RAB9B: variants seen among roughly 807,000 people sequenced by gnomAD.
The protein encoded by RAB9B is RAB9B, member RAS oncogene family.
RAB9B carries 1 observed loss-of-function variant against 8.9 expected under a neutral mutation model. That is an observed-to-expected ratio of 0.11 (90% confidence interval 0.04 to 0.53). RAB9B has a LOEUF of 0.53. RAB9B is among the 20% of genes least tolerant of loss of function. The pLI is 0.93. For synonymous variants in RAB9B, 63 were observed against 57.0 expected (o/e 1.10, Z -0.47); for missense variants, 82 against 152.9 (o/e 0.54, Z 2.45).
chrX:103,827,675 T>G lies in RAB9B; in HGVS notation c.-116-597A>C, dbSNP rs764018993. ...GTCATTTTTCTTTTCTTTATTTATT[T>G]TTTAAATTTGAGACAAGGTCTCATT... On this transcript the variant is annotated intron_variant, in intron 1 of 2. Transcript: ENST00000243298. Among the ~76,000 whole-genome samples, 9 of 112,246 alleles carry G rather than the reference T, an allele frequency of 8.0e-5. No homozygotes were observed. In the East Asian group the frequency reaches 2.2e-3, roughly 28 times the overall value.
the RAB9B span, among the ~76,000 whole-genome samples, chrX:103,790,069 G>T: frequency 2.7e-5 from 3 of 112,051 alleles, no homozygotes; most frequent in African/African-American, 9.7e-5. Context: ...GGCCCCTACT[G>T]CTGAGGTTTC....
the RAB9B span, chrX:103,785,512 G>A: frequency 3.2e-6 from 3 of 941,673 alleles, no homozygotes; most frequent in South Asian, 2.0e-5. Context: ...CACAGGGCCT[G>A]GCAGAGGGGT....
chrX:103,784,126 G>T, the RAB9B span, among the ~76,000 whole-genome samples: 1 of 111,514 alleles, frequency 9.0e-6, no homozygotes, highest in African/African-American at 3.3e-5. Flanking sequence ...TTAGAGCATG[G>T]GACTAGTACT....
chrX:103,818,282 A>C (rs983101803), downstream of RAB9B, among the ~76,000 whole-genome samples: 3 of 111,856 alleles, frequency 2.7e-5, no homozygotes, highest in African/African-American at 9.7e-5. Flanking sequence ...ATCAGACTGC[A>C]CATATGGGGT....
the RAB9B span, among the ~76,000 whole-genome samples, chrX:103,807,494 C>A: frequency 1.4e-4 from 16 of 112,310 alleles, no homozygotes; most frequent in African/African-American, 4.5e-4. Flanking sequence ...CCAGCCCCCA[C>A]TCCTCCCATA....
chrX:103,815,273 A>C, the RAB9B span, among the ~76,000 whole-genome samples: 3 of 112,578 alleles, frequency 2.7e-5, no homozygotes, highest in African/African-American at 9.7e-5. Context: ...CCTGGGATGC[A>C]AGGCTGGTTC....
chrX:103,785,779 G>GC, the RAB9B span: 1 of 1,185,807 alleles, frequency 8.4e-7, no homozygotes, highest in Non-Finnish European at 1.1e-6. Context: ...GTAAGTACCT[G>GC]CCCTCCCACA....
At chrX:103,777,306 C>T in the RAB9B span, among the ~76,000 whole-genome samples, 1 of 111,340 alleles carries the variant, frequency 9.0e-6, no homozygotes, top group African/African-American at 3.3e-5. Context: ...TTCTCTTTTC[C>T]CTTGGTTCCA....
At chrX:103,806,058 A>G in the RAB9B span, among the ~76,000 whole-genome samples, 6 of 111,179 alleles carry the variant, frequency 5.4e-5, no homozygotes, top group East Asian at 1.7e-3. Flanking sequence ...TTTTCACCTT[A>G]GCCTCCCAAG....
chrX:103,807,531 C>T, the RAB9B span, among the ~76,000 whole-genome samples: 3 of 112,290 alleles, frequency 2.7e-5, no homozygotes, highest in African/African-American at 9.7e-5. Flanking sequence ...CCCTGCCTTT[C>T]CCACTGTCAA....
At chrX:103,776,522 C>T in the RAB9B span, 18 of 121,497 alleles carry the variant, frequency 1.5e-4, no homozygotes, top group African/African-American at 3.9e-4. Context: ...TGGCTTCTCA[C>T]GCTTGTGCTG....
intron 2 of RAB9B, among the ~76,000 whole-genome samples, chrX:103,826,754 T>C (rs2074684798): frequency 9.0e-6 from 1 of 111,515 alleles, no homozygotes; most frequent in Non-Finnish European, 1.9e-5. Context: ...AACTCAACGG[T>C]GATGAGGTTA....
At chrX:103,803,235 C>A in the RAB9B span, among the ~76,000 whole-genome samples, 1 of 112,020 alleles carries the variant, frequency 8.9e-6, no homozygotes, top group Non-Finnish European at 1.9e-5. Flanking sequence ...ATTGCTGAGA[C>A]ATATGATAAT....
At chrX:103,789,153 G>T in the RAB9B span, 4 of 495,644 alleles carry the variant, frequency 8.1e-6, no homozygotes, top group South Asian at 2.7e-5. Context: ...TGGGCCAGGT[G>T]CTATGGTGTA....
chrX:103,786,428 A>G, the RAB9B span: 2 of 1,193,063 alleles, frequency 1.7e-6, no homozygotes, highest in Non-Finnish European at 2.3e-6. Flanking sequence ...TCAATTAATA[A>G]GATTCCCTGG....
chrX:103,808,512 C>A, the RAB9B span, among the ~76,000 whole-genome samples: 2 of 112,510 alleles, frequency 1.8e-5, no homozygotes, highest in African/African-American at 6.5e-5. Flanking sequence ...CCTGAGCCAT[C>A]CCTTCAGAAT....
Position 103,824,654 on chromosome X carries a change from T to G in RAB9B, c.*525A>C, listed in dbSNP as rs1017753615. ...AGTGTATATCATTATACTTTTGCAC[T>G]CCTAATCATTACAACTTCTTTAATT... On this transcript the variant is annotated 3_prime_UTR_variant, in exon 3 of 3. Coordinates refer to ENST00000243298, the MANE Select transcript of RAB9B (RefSeq NM_016370.4). 6.2e-5 allele frequency: 7 copies of G among 112,292 alleles called. No homozygotes were observed. Among genetic ancestry groups the G allele is most frequent in the African/African-American group, 2.3e-4 (7 of 30,794 alleles). The allele number at this position is 112,292 out of a possible 1,213,427, so 9.3% of individuals were successfully genotyped here. A position where few individuals can be genotyped will look rare whatever the true frequency, so the allele number is the denominator to read the frequency against.
At chrX:103,811,299 G>A in the RAB9B span, among the ~76,000 whole-genome samples, 1 of 111,682 alleles carries the variant, frequency 9.0e-6, no homozygotes, top group Non-Finnish European at 1.9e-5. Flanking sequence ...AGTGAAGAGG[G>A]GAAGAAAATA....
rs1372807241 is a variant in RAB9B, at chrX:103,824,398, A to G, written c.*781T>C. On this transcript the variant is annotated 3_prime_UTR_variant, in exon 3 of 3. Coordinates refer to ENST00000243298, the MANE Select transcript of RAB9B (RefSeq NM_016370.4). ...TGCTAAATTGGTAAGAGGTTGTCAG[A>G]GAAGCAACATCTCTATGCAGCAAAA... 8.9e-6 allele frequency: 1 copy of G among 112,408 alleles called. No individual in the cohort carries two copies. Among genetic ancestry groups the G allele is most frequent in the East Asian group, 2.8e-4 (1 of 3,591 alleles). The allele number at this position is 112,408 out of a possible 1,213,427, so 9.3% of individuals were successfully genotyped here. A position where few individuals can be genotyped will look rare whatever the true frequency, so the allele number is the denominator to read the frequency against.
Sources: allele counts gnomAD v4.1 joint callset (sites outside exome capture counted in the v4.1 genomes callset), GRCh38; gene constraint gnomAD v4.1.1; transcripts MANE v1.5; gene names NCBI Gene and HGNC (gene_info 2026-07-23, HGNC 2026-07-21).